The following WDPCP variants were observed in gnomAD, a reference collection of about 807,000 sequenced individuals.
WDPCP encodes the protein WD repeat-containing and planar cell polarity effector protein fritz homolog.
A neutral mutation model predicts 93.1 loss-of-function variants in WDPCP; 71 were observed. That is an observed-to-expected ratio of 0.76 (90% CI 0.63 to 0.93). The LOEUF (loss-of-function observed/expected upper bound fraction) is 0.93. WDPCP is among the 40% of genes least tolerant of loss of function. The pLI is 0.00. For missense variants in WDPCP, 844 were observed against 887.4 expected, an observed-to-expected ratio of 0.95 and a Z score of 0.62; for synonymous variants, 315 against 315.0, an observed-to-expected ratio of 1.00 and a Z score of 0.00.
chr2:63,449,653 C>G (rs1558649430), intron 6 of WDPCP, among the ~76,000 whole-genome samples: 1 of 152,106 alleles, frequency 6.6e-6, no homozygotes, highest in East Asian at 1.9e-4. Context: ...CACACAAACC[C>G]CGACATTAGC....
chr2:63,572,701 C>CAAAAAAAAAAAAAAAAAAA lies in WDPCP; in HGVS notation c.75+15477_75+15495dup, dbSNP rs533331577. On this transcript the variant is annotated intron_variant, in intron 1 of 17. Coordinates refer to ENST00000272321, the MANE Select transcript of WDPCP (RefSeq NM_015910.7). ...TGGGTGACAGAGTGAGACTCTGTCTCAAAAAAAAAAAAAAAAAAAAAAAAA... is the reference window on the plus strand; with the variant it reads ...TGGGTGACAGAGTGAGACTCTGTCTCAAAAAAAAAAAAAAAAAAAAAAAAAAAAAAAAAAAAAAAAAAAA... Among the ~76,000 whole-genome samples, 147 of 24,776 alleles carry CAAAAAAAAAAAAAAAAAAA rather than the reference C, an allele frequency of 5.9e-3. 28 individuals are homozygous for CAAAAAAAAAAAAAAAAAAA. Among genetic ancestry groups the CAAAAAAAAAAAAAAAAAAA allele is most frequent in the Non-Finnish European group, 7.1e-3 (117 of 16,476 alleles). 16.3% of individuals were successfully genotyped at this position (24,776 alleles called of 152,430 possible). A position where few individuals can be genotyped will look rare whatever the true frequency, so the allele number is the denominator to read the frequency against.
chr2:63,645,138 A>T (rs1710033127), intron 3 of WDPCP, among the ~76,000 whole-genome samples: 1 of 152,092 alleles, frequency 6.6e-6, no homozygotes, highest in African/African-American at 2.4e-5. Flanking sequence ...GTAATCACTT[A>T]CAGCTATAAA....
At chr2:63,824,527 G>A (rs1307585378) in intron 1 of WDPCP, among the ~76,000 whole-genome samples, 51 of 91,782 alleles carry the variant, frequency 5.6e-4, no homozygotes, top group Non-Finnish European at 6.8e-4. Context: ...CAGCCTGGGC[G>A]ACCATGTTTC....
intron 10 of WDPCP, among the ~76,000 whole-genome samples, chr2:63,393,889 A>C (rs930371892): frequency 6.6e-6 from 1 of 152,182 alleles, no homozygotes; most frequent in African/African-American, 2.4e-5. Context: ...TTGAAACTGG[A>C]CCCCATCTTT....
chr2:63,275,554 T>C (rs1463540115), intron 13 of WDPCP, among the ~76,000 whole-genome samples: 1 of 152,186 alleles, frequency 6.6e-6, no homozygotes. Flanking sequence ...AGTTTCAGTT[T>C]ACAAAATCAA....
intron 12 of WDPCP, among the ~76,000 whole-genome samples, chr2:63,320,744 C>A: frequency 6.8e-6 from 1 of 146,536 alleles, no homozygotes; most frequent in African/African-American, 2.6e-5. Context: ...TAAAATAATC[C>A]AAAGAAGGAA....
At chr2:63,333,322 T>C (rs1475323331) in intron 12 of WDPCP, among the ~76,000 whole-genome samples, 2 of 152,222 alleles carry the variant, frequency 1.3e-5, no homozygotes, top group East Asian at 1.9e-4. Context: ...TTCCTTGTCA[T>C]ACCTTGAAAT....
intron 14 of WDPCP, 65 bp downstream of exon 14, chr2:63,259,240 CAT>C: frequency 7.4e-7 from 1 of 1,351,464 alleles, no homozygotes; most frequent in Non-Finnish European, 1.1e-6. Context: ...GTCCTCCAAA[CAT>C]AAATAGAAAT....
chr2:63,126,838 G>C (rs1669942381), intron 17 of WDPCP, among the ~76,000 whole-genome samples: 1 of 151,738 alleles, frequency 6.6e-6, no homozygotes, highest in African/African-American at 2.4e-5. Flanking sequence ...ACTGTGCCTG[G>C]ATAATTTTTT....
intron 9 of WDPCP, among the ~76,000 whole-genome samples, chr2:63,416,477 G>A (rs1030034780): frequency 2.0e-5 from 3 of 152,098 alleles, no homozygotes; most frequent in African/African-American, 4.8e-5. Context: ...TGGGATTACA[G>A]GTGCGAGCCA....
At chr2:63,347,730 G>GC (rs5831659) in intron 12 of WDPCP, among the ~76,000 whole-genome samples, 112,896 of 143,566 alleles carry the variant, frequency 0.79, 45,150 homozygotes, top group East Asian at 0.95. Context: ...GGGGGAAATT[G>GC]CCCCCCCCGC....
Position 63,404,344 on chromosome 2 carries a change from G to A in WDPCP, c.1139C>T (p.Pro380Leu), listed in dbSNP as rs1694389633. 1.2e-6 allele frequency: 2 copies of A among 1,614,126 alleles called. No homozygotes were observed. The highest frequency in any genetic ancestry group is 4.5e-5 in the East Asian group (2 of 44,880). ...ACTTGGGTGGCAGCTTATTAATGAAGGCAAAAGTTCAGTCTGTGCTAAGAG... is the reference window on the plus strand; with the variant it reads ...ACTTGGGTGGCAGCTTATTAATGAAAGCAAAAGTTCAGTCTGTGCTAAGAG... ...VTLLAQTELL[P>L]SLISCHPSGA... Residue 380 changes from proline (P) to leucine (L), a missense_variant, in exon 10 of 18, where the codon CCT becomes CTT. Pro to Leu is a moderately conservative substitution (Grantham distance 98). Coordinates refer to ENST00000272321, the MANE Select transcript of WDPCP (RefSeq NM_015910.7).
intron 17 of WDPCP, among the ~76,000 whole-genome samples, chr2:63,143,878 CTTTT>C (rs1156543478): frequency 1.4e-4 from 21 of 152,132 alleles, no homozygotes; most frequent in African/African-American, 4.8e-4. Context: ...AAGATTCTTT[CTTTT>C]GTCTTAACTT....
intron 13 of WDPCP, among the ~76,000 whole-genome samples, chr2:63,301,821 G>A (rs781403204): frequency 6.7e-6 from 1 of 149,930 alleles, no homozygotes; most frequent in East Asian, 2.0e-4. Flanking sequence ...TTTCTTTCTA[G>A]ATGGGTACTA....
At chr2:63,599,387 C>G in intron 3 of WDPCP, 1 of 1,339,512 alleles carries the variant, frequency 7.5e-7, no homozygotes, top group Non-Finnish European at 1.0e-6. Flanking sequence ...GTGCTTTTTT[C>G]TTGTTTTTGT....
At chr2:63,282,946 T>C (rs1394183824) in intron 13 of WDPCP, among the ~76,000 whole-genome samples, 1 of 152,250 alleles carries the variant, frequency 6.6e-6, no homozygotes, top group African/African-American at 2.4e-5. Context: ...CTACACATTA[T>C]TTCTTTAATG....
At chr2:63,186,671 G>A (rs769738927) in intron 14 of WDPCP, among the ~76,000 whole-genome samples, 2 of 152,162 alleles carry the variant, frequency 1.3e-5, no homozygotes, top group Non-Finnish European at 2.9e-5. Flanking sequence ...TACCATATCG[G>A]GGACTTCACT....
chr2:63,183,104 C>A (rs1674375587), intron 14 of WDPCP, among the ~76,000 whole-genome samples: 1 of 151,744 alleles, frequency 6.6e-6, no homozygotes, highest in Non-Finnish European at 1.5e-5. Context: ...TTCTTTGACC[C>A]TTTATAATGT....
the WDPCP span, among the ~76,000 whole-genome samples, chr2:63,840,394 G>C: frequency 1.3e-5 from 2 of 152,244 alleles, no homozygotes; most frequent in African/African-American, 4.8e-5. Flanking sequence ...CCACGTTGAA[G>C]AGAAAAGTAA....
Sources: gnomAD v4.1 joint callset for allele counts (sites outside exome capture counted in the v4.1 genomes callset) on GRCh38, gnomAD v4.1.1 for gene constraint, MANE v1.5 for transcripts, NCBI Gene and HGNC (gene_info 2026-07-23, HGNC 2026-07-21) for gene names.